GPC6: variants seen among roughly 807,000 people sequenced by gnomAD.
GPC6 encodes glypican-6.
Under a neutral mutation model 55.2 loss-of-function variants are expected in GPC6, and 14 were observed. The ratio of observed to expected loss-of-function variants is 0.25; its 90% CI spans 0.17 to 0.40. The LOEUF (loss-of-function observed/expected upper bound fraction) is 0.40. Among genes scored for constraint, GPC6 ranks in the 10% least tolerant of loss-of-function variants. The pLI is 1.00. For synonymous variants in GPC6, 278 were observed against 259.6 expected (o/e 1.07, Z -0.68); for missense variants, 641 against 708.5 (o/e 0.90, Z 1.08).
intron 2 of GPC6, among the ~76,000 whole-genome samples, chr13:93,783,004 T>A (rs563569964): frequency 6.6e-6 from 1 of 152,212 alleles, no homozygotes; most frequent in Admixed American, 6.5e-5. Context: ...CCCCAGTGTG[T>A]GTCGTTCCCA....
At chr13:93,825,066 G>A (rs776836082) in intron 2 of GPC6, among the ~76,000 whole-genome samples, 30 of 152,062 alleles carry the variant, frequency 2.0e-4, no homozygotes, top group Admixed American at 8.5e-4. Context: ...ATAGGCTGGC[G>A]TTTTCTCTGA....
chr13:94,001,345 A>G (rs1881790883), intron 3 of GPC6, among the ~76,000 whole-genome samples: 1 of 152,224 alleles, frequency 6.6e-6, no homozygotes, highest in Non-Finnish European at 1.5e-5. Context: ...TGTTAGTTAA[A>G]ACAAGAAAAT....
chr13:93,960,054 T>C (rs915422125), intron 3 of GPC6, among the ~76,000 whole-genome samples: 5 of 152,202 alleles, frequency 3.3e-5, no homozygotes, highest in Admixed American at 3.3e-4. Context: ...ACTCCACATC[T>C]TCTCAGGAGG....
intron 4 of GPC6, among the ~76,000 whole-genome samples, chr13:94,184,114 A>G (rs1339743188): frequency 6.6e-6 from 1 of 152,156 alleles, no homozygotes; most frequent in Non-Finnish European, 1.5e-5. Flanking sequence ...TTCACCATAT[A>G]CAGAAATGAA....
At chr13:93,966,523 A>G (rs546678943) in intron 3 of GPC6, among the ~76,000 whole-genome samples, 2 of 152,330 alleles carry the variant, frequency 1.3e-5, no homozygotes, top group East Asian at 3.9e-4. Context: ...AAGAGCTAAC[A>G]AAAGTATAAG....
At chr13:94,354,277 C>T (rs556082561) in intron 6 of GPC6, among the ~76,000 whole-genome samples, 101 of 151,790 alleles carry the variant, frequency 6.7e-4, no homozygotes, top group African/African-American at 2.4e-3. Flanking sequence ...CATAATCCAG[C>T]AGTCAACTGA....
At chr13:94,089,886 A>G (rs1163927051) in intron 4 of GPC6, among the ~76,000 whole-genome samples, 1 of 152,104 alleles carries the variant, frequency 6.6e-6, no homozygotes, top group Non-Finnish European at 1.5e-5. Context: ...AATGAGATTG[A>G]CTGTGTTGAA....
chr13:93,759,863 A>T (rs1884900762), intron 2 of GPC6, among the ~76,000 whole-genome samples: 1 of 151,828 alleles, frequency 6.6e-6, no homozygotes. Flanking sequence ...TGATTCCTTG[A>T]TCATGGTTCC....
intron 4 of GPC6, among the ~76,000 whole-genome samples, chr13:94,116,665 C>G (rs1269368180): frequency 6.6e-6 from 1 of 152,038 alleles, no homozygotes; most frequent in East Asian, 1.9e-4. Context: ...AGCAAGTGTT[C>G]ACATTAGCGC....
At chr13:93,475,159 TACACAC>T (rs35324469) in intron 1 of GPC6, among the ~76,000 whole-genome samples, 1 of 149,526 alleles carries the variant, frequency 6.7e-6, no homozygotes. Flanking sequence ...AATAAATAAA[TACACAC>T]ACACACACAC....
intron 2 of GPC6, among the ~76,000 whole-genome samples, chr13:93,779,564 A>G (rs1352454853): frequency 6.6e-6 from 1 of 152,188 alleles, no homozygotes; most frequent in East Asian, 1.9e-4. Flanking sequence ...ACTGTTATCC[A>G]TCACAAAATC....
At chr13:93,399,206 C>A (rs1449077840) in intron 1 of GPC6, among the ~76,000 whole-genome samples, 1 of 152,154 alleles carries the variant, frequency 6.6e-6, no homozygotes, top group South Asian at 2.1e-4. Flanking sequence ...GAATGGAAAA[C>A]CTGAAAGTGC....
chr13:94,045,005 T>C (rs1309091664), intron 4 of GPC6, among the ~76,000 whole-genome samples: 2 of 151,918 alleles, frequency 1.3e-5, no homozygotes, highest in Admixed American at 6.6e-5. Flanking sequence ...GTGAGATATA[T>C]ATTTGTGAAT....
intron 7 of GPC6, among the ~76,000 whole-genome samples, chr13:94,391,021 G>A (rs925589588): frequency 6.6e-6 from 1 of 152,122 alleles, no homozygotes. Context: ...CTAACTGCAG[G>A]TCTACTAAGA....
chr13:93,988,799 C>A (rs1881157630), intron 3 of GPC6, among the ~76,000 whole-genome samples: 2 of 151,916 alleles, frequency 1.3e-5, no homozygotes, highest in African/African-American at 2.4e-5. Context: ...CAACCTGTAG[C>A]AATAACATGT....
At chr13:93,944,214 A>T (rs574025063) in intron 3 of GPC6, among the ~76,000 whole-genome samples, 618 of 115,240 alleles carry the variant, frequency 5.4e-3, no homozygotes, top group African/African-American at 0.019. Flanking sequence ...TTATTTATTT[A>T]TTTTTTCCTG....
At chr13:94,297,545 G>A (rs936420878) in intron 5 of GPC6, among the ~76,000 whole-genome samples, 3 of 152,122 alleles carry the variant, frequency 2.0e-5, no homozygotes, top group Admixed American at 2.0e-4. Flanking sequence ...TGCTGCCTGA[G>A]AAATGCAAAT....
chr13:93,377,280 G>C (rs890780859), intron 1 of GPC6, among the ~76,000 whole-genome samples: 23 of 152,224 alleles, frequency 1.5e-4, no homozygotes, highest in Admixed American at 1.5e-3. Flanking sequence ...AGTCCAAGAA[G>C]TCAGGAGCAG....
At chr13:93,643,542 A>C (rs1488640037) in intron 2 of GPC6, among the ~76,000 whole-genome samples, 1 of 152,126 alleles carries the variant, frequency 6.6e-6, no homozygotes, top group Non-Finnish European at 1.5e-5. Context: ...GGATAAAGGA[A>C]AGTAAGAGCT....
Sources: allele counts gnomAD v4.1 joint callset (sites outside exome capture counted in the v4.1 genomes callset), GRCh38; gene constraint gnomAD v4.1.1; transcripts MANE v1.5; gene names NCBI Gene and HGNC (gene_info 2026-07-23, HGNC 2026-07-21).